Variants in DGKH observed in about 807,000 individuals in gnomAD.
The protein encoded by DGKH is DAG kinase eta.
Under a neutral mutation model 159.3 loss-of-function variants are expected in DGKH, and 90 were observed. The ratio of observed to expected loss-of-function variants is 0.57; its 90% CI spans 0.48 to 0.67. The LOEUF (loss-of-function observed/expected upper bound fraction) is 0.67, where lower values mean the gene tolerates loss of function less well. Among genes scored for constraint, DGKH ranks in the 30% least tolerant of loss-of-function variants. The pLI is 0.00. For synonymous variants in DGKH, 536 were observed against 553.8 expected, an observed-to-expected ratio of 0.97 and a Z score of 0.45; for missense variants, 1,181 against 1,506.1, an observed-to-expected ratio of 0.78 and a Z score of 3.57.
chr13:42,089,218 T>A (rs1465473088), intron 1 of DGKH, among the ~76,000 whole-genome samples: 1 of 152,118 alleles, frequency 6.6e-6, no homozygotes, highest in Admixed American at 6.5e-5. Flanking sequence ...TAGACAAAAA[T>A]CAGTAAGGAT....
intron 1 of DGKH, among the ~76,000 whole-genome samples, chr13:42,103,526 G>T (rs1162756258): frequency 6.6e-6 from 1 of 152,164 alleles, no homozygotes; most frequent in Non-Finnish European, 1.5e-5. Context: ...CCGCATGAGT[G>T]CTATCCTTAG....
At position 42,238,015 on chromosome 13, in the gene DGKH, T is replaced by C. The variant is rs1958452161; in HGVS notation, c.*8827T>C. 1 of 152,230 alleles carries C rather than the reference T, an allele frequency of 6.6e-6. No homozygotes were observed. The highest frequency in any genetic ancestry group is 1.5e-5 in the Non-Finnish European group (1 of 68,026). The allele number at this position is 152,230 out of a possible 1,614,324, so 9.4% of individuals were successfully genotyped here. ...TAGAGATGGGAACATGGTTTAGGTTTATCCAGTTCTGTAACTGACTTTGGC... is the reference window on the plus strand; with the variant it reads ...TAGAGATGGGAACATGGTTTAGGTTCATCCAGTTCTGTAACTGACTTTGGC... On this transcript the variant is annotated 3_prime_UTR_variant, in exon 30 of 30. Coordinates refer to ENST00000337343, the MANE Select transcript of DGKH (RefSeq NM_178009.5).
intron 1 of DGKH, among the ~76,000 whole-genome samples, chr13:42,075,794 C>T (rs1159268044): frequency 1.3e-5 from 2 of 152,194 alleles, no homozygotes; most frequent in Non-Finnish European, 2.9e-5. Flanking sequence ...TATTTTCAGA[C>T]TGCTATCTAC....
intron 3 of DGKH, among the ~76,000 whole-genome samples, chr13:42,134,009 C>T (rs759553975): frequency 6.6e-5 from 10 of 152,134 alleles, no homozygotes; most frequent in East Asian, 5.8e-4. Context: ...TGGCCAAATT[C>T]GACTTCATTT....
At chr13:42,126,190 T>C (rs558186140) in intron 1 of DGKH, among the ~76,000 whole-genome samples, 36 of 152,270 alleles carry the variant, frequency 2.4e-4, no homozygotes, top group African/African-American at 8.7e-4. Flanking sequence ...TCAGGGACCT[T>C]ATATTCTAAT....
chr13:42,207,096 T>TCTTTCTTG (rs1555276090), intron 21 of DGKH, among the ~76,000 whole-genome samples: 6 of 138,950 alleles, frequency 4.3e-5, no homozygotes, highest in African/African-American at 1.7e-4. Context: ...TTTCTTTCTT[T>TCTTTCTTG]CTTTCTTTCT....
chr13:42,170,577 G>T (rs1281697096), intron 11 of DGKH, among the ~76,000 whole-genome samples: 1 of 152,008 alleles, frequency 6.6e-6, no homozygotes, highest in Non-Finnish European at 1.5e-5. Context: ...AGTGGATTCA[G>T]AAACTTAAGA....
chr13:42,115,779 C>T (rs938708491), intron 1 of DGKH, among the ~76,000 whole-genome samples: 2 of 152,082 alleles, frequency 1.3e-5, no homozygotes, highest in South Asian at 4.2e-4. Context: ...GATGGGTACA[C>T]CTTGAACATA....
chr13:42,201,984 G>T lies in DGKH; in HGVS notation c.2493+2075G>T, dbSNP rs144347843. ...CCCTACATTTATAATTGAGGGCGAT[G>T]CTAAACTTCAGAGGTTAGTGAACAT... On this transcript the variant is annotated intron_variant, in intron 20 of 29. Transcript: ENST00000337343. 4.6e-5 allele frequency among the ~76,000 whole-genome samples: 7 copies of T among 152,234 alleles called. No individual in the cohort carries two copies. The East Asian group carries it at 1.3e-3, about 29-fold the overall frequency.
intron 1 of DGKH, among the ~76,000 whole-genome samples, chr13:42,078,137 G>T (rs890827707): frequency 1.3e-5 from 2 of 152,162 alleles, no homozygotes; most frequent in Admixed American, 1.3e-4. Flanking sequence ...AGAATCAAAA[G>T]AAGTGTAGTA....
At chr13:42,251,903 C>T (rs927983461) in intron 29 of DGKH, among the ~76,000 whole-genome samples, 5 of 152,212 alleles carry the variant, frequency 3.3e-5, no homozygotes, top group African/African-American at 1.2e-4. Flanking sequence ...TTAGCTTTTG[C>T]TTGAGAACAG....
chr13:42,221,904 A>C (rs575763182), intron 29 of DGKH, among the ~76,000 whole-genome samples: 1 of 152,360 alleles, frequency 6.6e-6, no homozygotes, highest in East Asian at 1.9e-4. Flanking sequence ...GGTCACATGA[A>C]TAACTAGACT....
chr13:42,048,182 T>C (rs1018020984), upstream of DGKH, among the ~76,000 whole-genome samples: 2 of 152,012 alleles, frequency 1.3e-5, no homozygotes, highest in African/African-American at 4.8e-5. The surrounding 1 kb of genome is among the most constrained non-coding windows in gnomAD (Gnocchi z 6.7). Context: ...GAGGGGACTT[T>C]TATTCAGCTG....
chr13:42,152,480 TAC>T (rs922382526), intron 3 of DGKH, among the ~76,000 whole-genome samples: 28 of 149,598 alleles, frequency 1.9e-4, no homozygotes, highest in African/African-American at 5.8e-4. Context: ...TACACATGTA[TAC>T]ACACACATAC....
At chr13:42,053,584 A>G (rs1421235228) in intron 1 of DGKH, among the ~76,000 whole-genome samples, 1 of 97,486 alleles carries the variant, frequency 1.0e-5, no homozygotes, top group African/African-American at 5.3e-5. Context: ...ATGTATATAT[A>G]TAACTATATA....
intron 17 of DGKH, among the ~76,000 whole-genome samples, chr13:42,196,783 A>G (rs1957212511): frequency 6.6e-6 from 1 of 152,242 alleles, no homozygotes; most frequent in Admixed American, 6.5e-5. Flanking sequence ...TTTATAATAT[A>G]TCAGTTGTAT....
At chr13:42,151,266 C>T (rs1955874984) in intron 3 of DGKH, among the ~76,000 whole-genome samples, 1 of 151,946 alleles carries the variant, frequency 6.6e-6, no homozygotes, top group South Asian at 2.1e-4. Flanking sequence ...AATTTATCAT[C>T]AGTCACCTCC....
rs539576477 is a variant in DGKH, at chr13:42,153,065, G to T, written c.385-2226G>T. Among the ~76,000 whole-genome samples, 27 of 152,110 alleles carry T rather than the reference G, an allele frequency of 1.8e-4. No homozygotes were observed. The East Asian group carries it at 2.7e-3, about 15-fold the overall frequency. ...CCAGTTTTTTTTGCCTCTGGAAAAC[G>T]TAACTGTATTAAGTGTGTTATGATC... On this transcript the variant is annotated intron_variant, in intron 3 of 29. Transcript: ENST00000337343.
intron 20 of DGKH, among the ~76,000 whole-genome samples, chr13:42,200,410 T>C (rs1438078956): frequency 6.6e-6 from 1 of 152,182 alleles, no homozygotes; most frequent in African/African-American, 2.4e-5. Context: ...AATAGGAAAT[T>C]AAGGACAGAA....
Sources: allele counts gnomAD v4.1 joint callset (sites outside exome capture counted in the v4.1 genomes callset), GRCh38; gene constraint gnomAD v4.1.1; non-coding constraint Gnocchi (gnomAD v3.1); transcripts MANE v1.5; gene names NCBI Gene and HGNC (gene_info 2026-07-23, HGNC 2026-07-21).